Variants in DHRSX observed in about 807,000 individuals in gnomAD.
DHRSX encodes dehydrogenase/reductase X-linked, also known as polyprenol dehydrogenase.
DHRSX carries 31 observed loss-of-function variants against 34.0 expected under a neutral mutation model. The observed-to-expected ratio is 0.91, with a 90% CI of 0.69 to 1.23. DHRSX has a LOEUF of 1.23. DHRSX is among the 50% of genes most tolerant of loss of function. The pLI is 0.00. For synonymous variants in DHRSX, 201 were observed against 183.8 expected (o/e 1.09, Z -0.76); for missense variants, 414 against 428.1 (o/e 0.97, Z 0.29).
intron 3 of DHRSX, among the ~76,000 whole-genome samples, chrX:2,366,811 C>A (rs1370706185): frequency 6.6e-6 from 1 of 151,432 alleles, no homozygotes; most frequent in African/African-American, 2.4e-5. Context: ...GTTGCCCAGG[C>A]TAGTCTCAAA....
At chrX:2,457,384 G>A (rs765194027) in intron 1 of DHRSX, among the ~76,000 whole-genome samples, 1 of 151,992 alleles carries the variant, frequency 6.6e-6, no homozygotes, top group African/African-American at 2.4e-5. Context: ...CGTTCCCTAA[G>A]TATGTGGCGC....
chrX:2,375,434 C>A (rs920457167), intron 3 of DHRSX, among the ~76,000 whole-genome samples: 1 of 138,156 alleles, frequency 7.2e-6, no homozygotes, highest in Non-Finnish European at 1.7e-5. Flanking sequence ...ATCACTGTCT[C>A]CTCCCTTCCC....
chrX:2,362,302 T>C (rs996100981), intron 3 of DHRSX, among the ~76,000 whole-genome samples: 21 of 151,894 alleles, frequency 1.4e-4, no homozygotes, highest in African/African-American at 5.1e-4. Flanking sequence ...ACCTTGTTTT[T>C]GTTTGTTTGT....
intron 3 of DHRSX, among the ~76,000 whole-genome samples, chrX:2,362,744 T>C (rs1382981845): frequency 6.6e-6 from 1 of 151,896 alleles, no homozygotes; most frequent in African/African-American, 2.4e-5. Flanking sequence ...TTTATCACCG[T>C]TCTATGGTAT....
chrX:2,345,460 T>C (rs2042694166), intron 3 of DHRSX, among the ~76,000 whole-genome samples: 2 of 151,932 alleles, frequency 1.3e-5, no homozygotes, highest in Middle Eastern at 3.4e-3. Context: ...CTGGCCAACA[T>C]GGTGAAACCT....
rs192298528 is a variant in DHRSX at position 2,238,422 on chromosome X, G to A, written c.804+4601C>T. Among the ~76,000 whole-genome samples, 684 of 152,184 alleles carry A rather than the reference G, an allele frequency of 4.5e-3. 4 individuals carry two copies. Among genetic ancestry groups the A allele is most frequent in the Middle Eastern group, 0.014 (4 of 294 alleles). On this transcript the variant is annotated intron_variant, in intron 6 of 6. Transcript: ENST00000334651. ...CGACTGGTCGCCCAGGTTACTGGCCGTGAATTTGGAATCGAGTCCATGTGT... is the reference window on the plus strand; with the variant it reads ...CGACTGGTCGCCCAGGTTACTGGCCATGAATTTGGAATCGAGTCCATGTGT...
At chrX:2,447,383 G>A (rs1402677195) in intron 1 of DHRSX, among the ~76,000 whole-genome samples, 2 of 151,822 alleles carry the variant, frequency 1.3e-5, no homozygotes, top group Admixed American at 6.6e-5. Flanking sequence ...AGGGACCAAC[G>A]CCGTATACAC....
intron 1 of DHRSX, among the ~76,000 whole-genome samples, chrX:2,483,756 T>C (rs1427084589): frequency 2.7e-5 from 4 of 147,268 alleles, no homozygotes; most frequent in South Asian, 2.1e-4. Context: ...TGGATTCCAA[T>C]TGGTGCCTCG....
chrX:2,401,994 C>T lies in DHRSX; in HGVS notation c.286+6751G>A, dbSNP rs184031093. Among the ~76,000 whole-genome samples, 216 of 152,148 alleles carry T rather than the reference C, an allele frequency of 1.4e-3. 1 individual carries two copies. The highest frequency in any genetic ancestry group is 5.0e-3 in the African/African-American group (208 of 41,492). Reference sequence around the variant, plus strand: ...CCCAGCGTGGGATCTCAGAGGAGCACGACTTCAAAGACAGAAAGTACAACA... The same window carrying T: ...CCCAGCGTGGGATCTCAGAGGAGCATGACTTCAAAGACAGAAAGTACAACA... On this transcript the variant is annotated intron_variant, in intron 3 of 6. Coordinates refer to ENST00000334651, the MANE Select transcript of DHRSX (RefSeq NM_145177.3).
chrX:2,221,202 T>C lies in DHRSX; in HGVS notation c.832A>G (p.Ile278Val), dbSNP rs772790965. Residue 278 changes from isoleucine (I) to valine (V), a missense_variant, in exon 7 of 7, where the codon ATC becomes GTC. Ile to Val is a conservative substitution (Grantham distance 29). Transcript: ENST00000334651. ...AGCTCTGGGGTGACTGCTGCGTAGATGGAAGTCCACGCTCCTTCATCGGGG... is the reference window on the plus strand; with the variant it reads ...AGCTCTGGGGTGACTGCTGCGTAGACGGAAGTCCACGCTCCTTCATCGGGG... The part of the protein sequence containing the change: ...KTPDEGAWTS[I>V]YAAVTPELEG... The C allele has an allele frequency of 2.5e-6, 4 of 1,613,690 alleles. No individual in the cohort carries two copies. The highest frequency in any genetic ancestry group is 2.5e-6 in the Non-Finnish European group (3 of 1,179,810).
chrX:2,320,796 G>A (rs186235306), intron 3 of DHRSX, among the ~76,000 whole-genome samples: 3 of 151,738 alleles, frequency 2.0e-5, no homozygotes, highest in Non-Finnish European at 4.4e-5. Flanking sequence ...AAGCCGCTTC[G>A]TGGATTGTCA....
intron 3 of DHRSX, among the ~76,000 whole-genome samples, chrX:2,404,206 C>T (rs1042891906): frequency 2.7e-4 from 41 of 151,944 alleles, no homozygotes; most frequent in African/African-American, 9.2e-4. Context: ...CAGGGCCCCG[C>T]CCCCACCCCC....
At chrX:2,304,187 G>A (rs1349149853) in intron 3 of DHRSX, among the ~76,000 whole-genome samples, 6 of 114,614 alleles carry the variant, frequency 5.2e-5, no homozygotes, top group African/African-American at 1.8e-4. Flanking sequence ...ATGGATGGAT[G>A]GATGGATGGA....
chrX:2,357,265 C>T (rs991588139), intron 3 of DHRSX, among the ~76,000 whole-genome samples: 1 of 151,884 alleles, frequency 6.6e-6, no homozygotes. Context: ...AAAAAAGTTA[C>T]ACATGGATTT....
intron 1 of DHRSX, among the ~76,000 whole-genome samples, chrX:2,470,195 A>G (rs1024336811): frequency 1.5e-4 from 22 of 150,546 alleles, no homozygotes; most frequent in African/African-American, 5.4e-4. Flanking sequence ...AAAAAGCTGA[A>G]CGCATAAACG....
intron 6 of DHRSX, among the ~76,000 whole-genome samples, chrX:2,233,040 T>C (rs1380993868): frequency 6.6e-6 from 1 of 151,862 alleles, no homozygotes; most frequent in Non-Finnish European, 1.5e-5. Flanking sequence ...GGTTTTATAC[T>C]CTTAAAGTGT....
intron 1 of DHRSX, among the ~76,000 whole-genome samples, chrX:2,471,769 T>G (rs764092345): frequency 1.3e-5 from 2 of 152,206 alleles, no homozygotes; most frequent in South Asian, 4.1e-4. Flanking sequence ...CATCGCTTCA[T>G]CCATTTCTCA....
intron 3 of DHRSX, among the ~76,000 whole-genome samples, chrX:2,335,599 C>G (rs1362040325): frequency 6.6e-6 from 1 of 151,584 alleles, no homozygotes. Context: ...TACAGGTGCC[C>G]GCCACCATGC....
At position 2,370,784 on chromosome X, in the gene DHRSX, C is replaced by G. The variant is rs769182564; in HGVS notation, c.286+37961G>C. Among the ~76,000 whole-genome samples the G allele has an allele frequency of 3.1e-3, 466 of 152,170 alleles. 1 individual carries two copies. The highest frequency in any genetic ancestry group is 0.017 in the Middle Eastern group (5 of 292). On this transcript the variant is annotated intron_variant, in intron 3 of 6. Transcript: ENST00000334651. ...CACATTTTGGTTGGGTTTCTCTCCT[C>G]CTATCAGGCCCCGGGATGTTGGGCC...
Sources: gnomAD v4.1 joint callset for allele counts (sites outside exome capture counted in the v4.1 genomes callset) on GRCh38, gnomAD v4.1.1 for gene constraint, MANE v1.5 for transcripts, NCBI Gene and HGNC (gene_info 2026-07-23, HGNC 2026-07-21) for gene names.